The following PRKN variants were observed in gnomAD, a reference collection of about 807,000 sequenced individuals.
PRKN encodes the protein parkin RBR E3 ubiquitin protein ligase, also known as E3 ubiquitin-protein ligase parkin.
In PRKN, 56 loss-of-function variants were observed where a neutral mutation model predicts 59.5. The ratio of observed to expected loss-of-function variants is 0.94; its 90% CI spans 0.76 to 1.18. The LOEUF (loss-of-function observed/expected upper bound fraction) is 1.18. PRKN is among the 50% of genes most tolerant of loss of function. The probability of loss-of-function intolerance (pLI) is 0.00; values close to 1 mark genes in which losing one functional copy is unlikely to be tolerated. For missense variants in PRKN, 657 were observed against 596.4 expected, an observed-to-expected ratio of 1.10 and a Z score of -1.06; for synonymous variants, 250 against 222.1, an observed-to-expected ratio of 1.13 and a Z score of -1.12.
chr6:162,361,228 AAG>A (rs1161808499), intron 2 of PRKN, among the ~76,000 whole-genome samples: 2 of 151,104 alleles, frequency 1.3e-5, no homozygotes, highest in Non-Finnish European at 1.5e-5. Flanking sequence ...ATTAGGGGAA[AAG>A]AGAGAGAGAG....
At chr6:161,519,454 CAT>C (rs1009831876) in intron 9 of PRKN, among the ~76,000 whole-genome samples, 1 of 152,076 alleles carries the variant, frequency 6.6e-6, no homozygotes, top group African/African-American at 2.4e-5. Context: ...AGGGTAGTAA[CAT>C]ATCTCCCTCC....
At chr6:162,463,831 G>A (rs1791285838) in intron 1 of PRKN, among the ~76,000 whole-genome samples, 3 of 152,166 alleles carry the variant, frequency 2.0e-5, no homozygotes, top group Non-Finnish European at 4.4e-5. Flanking sequence ...CAGCCTGCAA[G>A]AGGGATAAAG....
At position 161,474,435 on chromosome 6, in the gene PRKN, C is replaced by T. The variant is rs1039353613; in HGVS notation, c.1083+74419G>A. 7.2e-5 allele frequency among the ~76,000 whole-genome samples: 11 copies of T among 152,278 alleles called. 1 individual carries two copies. Among genetic ancestry groups the T allele is most frequent in the Middle Eastern group, 3.4e-3 (1 of 294 alleles). Reference sequence around the variant, plus strand: ...TAATTATATATTTAATATCACTAATCCCTACCTGAAGTTTGGTGTTTCCTT... The same window carrying T: ...TAATTATATATTTAATATCACTAATTCCTACCTGAAGTTTGGTGTTTCCTT... On this transcript the variant is annotated intron_variant, in intron 9 of 11. Transcript: ENST00000366898.
intron 7 of PRKN, among the ~76,000 whole-genome samples, chr6:161,653,607 C>G (rs947900563): frequency 6.6e-6 from 1 of 152,218 alleles, no homozygotes; most frequent in African/African-American, 2.4e-5. Flanking sequence ...AACATTCTCT[C>G]TAGCCATTTA....
In PRKN at chr6:162,163,981, T is replaced by C. The variant is rs1194821860; in HGVS notation, c.534+37150A>G. On this transcript the variant is annotated intron_variant, in intron 4 of 11. Coordinates refer to ENST00000366898, the MANE Select transcript of PRKN (RefSeq NM_004562.3). ...ATTTAAGAATACACACATGTGAAACTAAGATGAAAATGAGGGCGGAGATGA... is the reference window on the plus strand; with the variant it reads ...ATTTAAGAATACACACATGTGAAACCAAGATGAAAATGAGGGCGGAGATGA... Among the ~76,000 whole-genome samples the C allele has an allele frequency of 2.0e-5, 3 of 148,630 alleles. 1 individual carries two copies. Among genetic ancestry groups the C allele is most frequent in the Non-Finnish European group, 3.0e-5 (2 of 67,282 alleles).
intron 9 of PRKN, among the ~76,000 whole-genome samples, chr6:161,516,821 A>G (rs571825633): frequency 3.4e-4 from 34 of 98,966 alleles, no homozygotes; most frequent in Non-Finnish European, 7.0e-4. Context: ...AGCAAGACTC[A>G]ATCTCAAAAA....
At chr6:161,382,649 A>T (rs1294292711) in intron 10 of PRKN, among the ~76,000 whole-genome samples, 1 of 152,148 alleles carries the variant, frequency 6.6e-6, no homozygotes, top group African/African-American at 2.4e-5. Context: ...AGGAAAGCAA[A>T]CGGGACTGGA....
intron 1 of PRKN, among the ~76,000 whole-genome samples, chr6:162,707,254 AT>A (rs1318144417): frequency 6.6e-6 from 1 of 152,234 alleles, no homozygotes; most frequent in East Asian, 1.9e-4. Context: ...AATATTAGTT[AT>A]TAAGCAAAAA....
chr6:161,710,788 C>G (rs1420823795), intron 7 of PRKN, among the ~76,000 whole-genome samples: 1 of 151,860 alleles, frequency 6.6e-6, no homozygotes, highest in African/African-American at 2.4e-5. Flanking sequence ...TTCCTTCCTT[C>G]TTTTCTTTCT....
intron 2 of PRKN, among the ~76,000 whole-genome samples, chr6:162,388,204 C>T (rs964261519): frequency 2.6e-5 from 4 of 152,066 alleles, no homozygotes; most frequent in East Asian, 1.9e-4. Context: ...GTGTTGGCAG[C>T]GACTCTGGGC....
At position 161,352,753 on chromosome 6, in the gene PRKN, GTGTA is replaced by G. The variant is rs1194056763; in HGVS notation, c.1286-2546_1286-2543del. Among the ~76,000 whole-genome samples the G allele has an allele frequency of 1.2e-3, 147 of 118,114 alleles. No homozygotes were observed. The highest frequency in any genetic ancestry group is 2.3e-3 in the Non-Finnish European group (132 of 56,726). 77.5% of individuals were successfully genotyped at this position (118,114 alleles called of 152,430 possible). A position where few individuals can be genotyped will look rare whatever the true frequency, so the allele number is the denominator to read the frequency against. ...TGTGTGTGTGTGTGTGTGTGTGTGT[GTGTA>G]TATATATATATATATTTTATTTTAT... is the stretch of plus-strand genomic sequence containing the variant. On this transcript the variant is annotated intron_variant, in intron 11 of 11. Transcript: ENST00000366898. The surrounding 1 kb of genome is among the most constrained non-coding windows in gnomAD (Gnocchi z 5.8).
At chr6:162,030,745 G>A (rs1015511426) in intron 5 of PRKN, among the ~76,000 whole-genome samples, 6 of 152,186 alleles carry the variant, frequency 3.9e-5, no homozygotes, top group Non-Finnish European at 2.9e-5. Context: ...AGGGAGCAAG[G>A]TGCTTTAAGA....
intron 6 of PRKN, among the ~76,000 whole-genome samples, chr6:161,814,842 TATTC>T (rs1791706854): frequency 6.6e-6 from 1 of 152,130 alleles, no homozygotes; most frequent in African/African-American, 2.4e-5. Flanking sequence ...TCATGAAACT[TATTC>T]ATTATCAGGA....
chr6:162,483,666 T>A (rs868825553), intron 1 of PRKN, among the ~76,000 whole-genome samples: 1 of 152,172 alleles, frequency 6.6e-6, no homozygotes, highest in African/African-American at 2.4e-5. Flanking sequence ...TCTCACAGAT[T>A]GCTGGAGGCA....
chr6:161,797,043 T>C lies in PRKN; in HGVS notation c.735-11135A>G, dbSNP rs371440279. Among the ~76,000 whole-genome samples the C allele has an allele frequency of 4.6e-5, 7 of 152,316 alleles. No homozygotes were observed. In the East Asian group the frequency reaches 1.4e-3, roughly 29 times the overall value. The stretch of plus-strand genomic sequence containing the variant: ...CAAACCTCATGACAGGAAGAATTAA[T>C]GTGCTAAGAATCAGTCCAGTGGCCA... On this transcript the variant is annotated intron_variant, in intron 6 of 11. Coordinates refer to ENST00000366898, the MANE Select transcript of PRKN (RefSeq NM_004562.3).
intron 10 of PRKN, among the ~76,000 whole-genome samples, chr6:161,382,250 T>C (rs1225703782): frequency 6.6e-6 from 1 of 152,090 alleles, no homozygotes; most frequent in African/African-American, 2.4e-5. Flanking sequence ...TCTGAAAGCT[T>C]ACAGGATGTA....
intron 2 of PRKN, among the ~76,000 whole-genome samples, chr6:162,302,495 G>C (rs894612820): frequency 3.9e-5 from 6 of 152,066 alleles, no homozygotes; most frequent in African/African-American, 1.5e-4. Flanking sequence ...AAAATGAAGG[G>C]AGCACTCACT....
rs2115372769 is a variant in PRKN at position 161,526,876 on chromosome 6, G to A, written c.1083+21978C>T. On this transcript the variant is annotated intron_variant, in intron 9 of 11. Coordinates refer to ENST00000366898, the MANE Select transcript of PRKN (RefSeq NM_004562.3). This position sits in a 1 kb window ranked among gnomAD's most constrained non-coding sequence, Gnocchi z 4.1. Reference sequence around the variant, plus strand: ...CTCAAAGAAGGGGTAGGTAATTGGAGTTTATATAGAATCCCTGGGCTACAG... The same window carrying A: ...CTCAAAGAAGGGGTAGGTAATTGGAATTTATATAGAATCCCTGGGCTACAG... Among the ~76,000 whole-genome samples the A allele has an allele frequency of 6.6e-6, 1 of 152,316 alleles. No homozygotes were observed. The highest frequency in any genetic ancestry group is 2.4e-5 in the African/African-American group (1 of 41,578).
At chr6:162,215,413 G>A (rs967834002) in intron 3 of PRKN, among the ~76,000 whole-genome samples, 1 of 152,064 alleles carries the variant, frequency 6.6e-6, no homozygotes, top group South Asian at 2.1e-4. Flanking sequence ...AATATAATGA[G>A]GAATGTTCTT....
Sources: allele counts gnomAD v4.1 joint callset (sites outside exome capture counted in the v4.1 genomes callset), GRCh38; gene constraint gnomAD v4.1.1; non-coding constraint Gnocchi (gnomAD v3.1); transcripts MANE v1.5; gene names NCBI Gene and HGNC (gene_info 2026-07-23, HGNC 2026-07-21).